The following ASTN2 variants were observed in gnomAD, a reference collection of about 807,000 sequenced individuals.
The protein encoded by ASTN2 is astrotactin 2.
ASTN2 carries 54 observed loss-of-function variants against 139.8 expected under a neutral mutation model. The observed-to-expected ratio is 0.39, with a 90% CI of 0.31 to 0.48. The LOEUF (loss-of-function observed/expected upper bound fraction) is 0.48. Among genes scored for constraint, ASTN2 ranks in the 20% least tolerant of loss-of-function variants. The pLI is 0.95. For synonymous variants in ASTN2, 756 were observed against 719.5 expected (o/e 1.05, Z -0.81); for missense variants, 1,565 against 1,725.1 (o/e 0.91, Z 1.64).
intron 1 of ASTN2, among the ~76,000 whole-genome samples, chr9:117,375,671 C>A (rs771364397): frequency 6.6e-6 from 1 of 152,216 alleles, no homozygotes; most frequent in Non-Finnish European, 1.5e-5. Flanking sequence ...GCCCTACAGA[C>A]TTTAAGCCCA....
intron 10 of ASTN2, among the ~76,000 whole-genome samples, chr9:116,962,374 CA>C (rs936692596): frequency 2.0e-5 from 3 of 152,170 alleles, no homozygotes; most frequent in African/African-American, 7.2e-5. Flanking sequence ...TGCCCACTCC[CA>C]AAATATGTGT....
chr9:117,191,423 C>T (rs1028133218), intron 3 of ASTN2, among the ~76,000 whole-genome samples: 21 of 152,146 alleles, frequency 1.4e-4, no homozygotes, highest in African/African-American at 5.1e-4. Context: ...GTTACTGTGG[C>T]TATTCAATGG....
intron 16 of ASTN2, among the ~76,000 whole-genome samples, chr9:116,685,432 A>G (rs1211970622): frequency 6.6e-6 from 1 of 152,100 alleles, no homozygotes; most frequent in African/African-American, 2.4e-5. Flanking sequence ...AACTATTGCA[A>G]TTCCCCTGTC....
chr9:117,263,026 T>C (rs978220448), intron 2 of ASTN2, among the ~76,000 whole-genome samples: 3 of 152,180 alleles, frequency 2.0e-5, no homozygotes, highest in Non-Finnish European at 4.4e-5. Context: ...GTGAAACCCA[T>C]TTTAAATTTC....
chr9:116,516,414 A>G (rs887040777), intron 19 of ASTN2, among the ~76,000 whole-genome samples: 1 of 152,244 alleles, frequency 6.6e-6, no homozygotes, highest in African/African-American at 2.4e-5. Flanking sequence ...CTTCTACATC[A>G]TAATCTCATT....
At chr9:116,662,433 T>G (rs1303481880) in intron 16 of ASTN2, among the ~76,000 whole-genome samples, 1 of 151,806 alleles carries the variant, frequency 6.6e-6, no homozygotes, top group African/African-American at 2.4e-5. Context: ...GTTAGCTGGG[T>G]GTGGTGGTGG....
At chr9:117,003,951 C>CGTGTGTGTGTGTGT (rs1459356130) in intron 7 of ASTN2, among the ~76,000 whole-genome samples, 1 of 130,940 alleles carries the variant, frequency 7.6e-6, no homozygotes, top group African/African-American at 3.2e-5. Context: ...CGCGCGCGCG[C>CGTGTGTGTGTGTGT]GCGTGTGTGT....
At position 116,651,617 on chromosome 9, in the gene ASTN2, T is replaced by C. The variant is rs779064081; in HGVS notation, c.2983A>G (p.Lys995Glu). 2.4e-5 allele frequency: 39 copies of C among 1,614,062 alleles called. No homozygotes were observed. Among genetic ancestry groups the C allele is most frequent in the Non-Finnish European group, 2.9e-5 (34 of 1,180,040 alleles). The change falls in exon 17 of 23, where the codon AAG (lysine) becomes GAG (glutamate). Residue 995 changes from lysine to glutamate, a missense_variant. By Grantham distance (56) the Lys-to-Glu change is moderately conservative. Coordinates refer to ENST00000313400, the MANE Select transcript of ASTN2 (RefSeq NM_001365068.1). ...STCHLCRRPG[K>E]EQLSPTPVLL... ...ACTGGTGTGGGGCTCAGCTGCTCCT[T>C]GCCTGGCCGGCGGCAAAGGTGACAG...
At chr9:117,245,529 T>C (rs557317275) in intron 2 of ASTN2, among the ~76,000 whole-genome samples, 2 of 152,238 alleles carry the variant, frequency 1.3e-5, no homozygotes, top group South Asian at 2.1e-4. Flanking sequence ...CTTCCTCTAA[T>C]GACATCCTTC....
chr9:117,001,504 T>C (rs1259543290), intron 7 of ASTN2, among the ~76,000 whole-genome samples: 1 of 152,070 alleles, frequency 6.6e-6, no homozygotes, highest in Admixed American at 6.6e-5. Context: ...TGACCTCTCT[T>C]CATATTACCT....
At chr9:117,032,645 C>T (rs1838280437) in intron 6 of ASTN2, among the ~76,000 whole-genome samples, 3 of 152,142 alleles carry the variant, frequency 2.0e-5, no homozygotes. Flanking sequence ...GGACCTCTTT[C>T]CTCTCTAACA....
intron 10 of ASTN2, among the ~76,000 whole-genome samples, chr9:116,870,800 C>T (rs1295041607): frequency 6.6e-6 from 1 of 152,072 alleles, no homozygotes; most frequent in African/African-American, 2.4e-5. Flanking sequence ...TTAATAAATA[C>T]CAGGAAAGGT....
At chr9:116,564,273 C>A (rs1271500120) in intron 19 of ASTN2, among the ~76,000 whole-genome samples, 4 of 152,130 alleles carry the variant, frequency 2.6e-5, no homozygotes, top group Non-Finnish European at 5.9e-5. Context: ...AAACATGTAG[C>A]TTTCTGAGGT....
In ASTN2 at chr9:116,425,737, T is replaced by A. The variant is rs1847285767; in HGVS notation, c.*114A>T. The A allele has an allele frequency of 9.3e-6, 15 of 1,605,488 alleles. No individual in the cohort carries two copies. The South Asian group carries it at 1.7e-4, about 18-fold the overall frequency. Reference sequence around the variant, plus strand: ...GCTTTGGCCTTGCTGGCAAGCTTCATCTGCTAGGCCCATCCTCAGCTGTCC... The same window carrying A: ...GCTTTGGCCTTGCTGGCAAGCTTCAACTGCTAGGCCCATCCTCAGCTGTCC... On this transcript the variant is annotated 3_prime_UTR_variant, in exon 23 of 23. Transcript: ENST00000313400.
chr9:116,773,771 T>G (rs1393761227), intron 13 of ASTN2, among the ~76,000 whole-genome samples: 2 of 152,162 alleles, frequency 1.3e-5, no homozygotes, highest in Non-Finnish European at 2.9e-5. Flanking sequence ...ATCAAGCAAG[T>G]GAGGGATAGA....
intron 13 of ASTN2, among the ~76,000 whole-genome samples, chr9:116,789,310 G>C (rs1218199924): frequency 6.6e-6 from 1 of 152,132 alleles, no homozygotes; most frequent in Non-Finnish European, 1.5e-5. Context: ...AAGTCCTCAG[G>C]CATACAATGA....
intron 11 of ASTN2, among the ~76,000 whole-genome samples, chr9:116,859,416 T>G (rs943623422): frequency 5.3e-5 from 8 of 152,200 alleles, no homozygotes; most frequent in African/African-American, 1.7e-4. Flanking sequence ...AGCAAAAATA[T>G]GTCAGATTTT....
At chr9:117,139,374 C>T (rs1830021921) in intron 4 of ASTN2, among the ~76,000 whole-genome samples, 1 of 152,188 alleles carries the variant, frequency 6.6e-6, no homozygotes, top group Non-Finnish European at 1.5e-5. Flanking sequence ...ACCAATGATA[C>T]TTCCAAAGTC....
intron 3 of ASTN2, among the ~76,000 whole-genome samples, chr9:117,175,379 CTGTAAATTGAA>C (rs1830892300): frequency 6.6e-6 from 1 of 152,086 alleles, no homozygotes; most frequent in African/African-American, 2.4e-5. Flanking sequence ...GCAAGTGAGT[CTGTAAATTGAA>C]TGTAATCCCA....
Sources: allele counts gnomAD v4.1 joint callset (sites outside exome capture counted in the v4.1 genomes callset), GRCh38; gene constraint gnomAD v4.1.1; transcripts MANE v1.5; gene names NCBI Gene and HGNC (gene_info 2026-07-23, HGNC 2026-07-21).